TAFA4: variants seen among roughly 807,000 people sequenced by gnomAD.
TAFA4 encodes the protein TAFA chemokine like family member 4, also known as chemokine-like protein TAFA-4.
In TAFA4, 20 loss-of-function variants were observed where a neutral mutation model predicts 21.1. That is an observed-to-expected ratio of 0.95 (90% CI 0.67 to 1.38). TAFA4 has a LOEUF of 1.38. Among genes scored for constraint, TAFA4 ranks in the 40% most tolerant of loss-of-function variants. The pLI is 0.00. For missense variants in TAFA4, 211 were observed against 180.9 expected, an observed-to-expected ratio of 1.17 and a Z score of -0.95; for synonymous variants, 71 against 67.4, an observed-to-expected ratio of 1.05 and a Z score of -0.26.
chr3:68,735,343 A>C (rs1292215168), intron 5 of TAFA4, among the ~76,000 whole-genome samples: 1 of 152,052 alleles, frequency 6.6e-6, no homozygotes, highest in Non-Finnish European at 1.5e-5. Flanking sequence ...CAGGGAGGGA[A>C]CCTGGGCAGG....
intron 1 of TAFA4, among the ~76,000 whole-genome samples, chr3:68,913,009 G>A (rs1026567672): frequency 6.6e-6 from 1 of 152,118 alleles, no homozygotes; most frequent in Non-Finnish European, 1.5e-5. Context: ...TTCCCCAACT[G>A]GGTTATACTA....
intron 3 of TAFA4, among the ~76,000 whole-genome samples, chr3:68,799,547 A>C (rs1453693864): frequency 1.3e-5 from 2 of 152,164 alleles, no homozygotes; most frequent in African/African-American, 4.8e-5. Flanking sequence ...TTGTGATTAA[A>C]TCAAGGAGCC....
intron 1 of TAFA4, among the ~76,000 whole-genome samples, chr3:68,921,954 G>A (rs1259086109): frequency 2.0e-5 from 3 of 152,102 alleles, no homozygotes; most frequent in East Asian, 1.9e-4. Flanking sequence ...TAAAAGAAAC[G>A]TCAAGACATT....
chr3:68,802,845 C>T lies in TAFA4; in HGVS notation c.131-49827G>A, dbSNP rs147285354. Reference sequence around the variant, plus strand: ...TAGCAACCCTGTTTTTTAAAGGTTACGTGGTTAGGAAGTTGGCCTTTCAAT... The same window carrying T: ...TAGCAACCCTGTTTTTTAAAGGTTATGTGGTTAGGAAGTTGGCCTTTCAAT... On this transcript the variant is annotated intron_variant, in intron 3 of 5. Coordinates refer to ENST00000295569, the MANE Select transcript of TAFA4 (RefSeq NM_182522.5). Among the ~76,000 whole-genome samples the T allele has an allele frequency of 1.0e-3, 159 of 152,282 alleles. 1 individual carries two copies. The highest frequency in any genetic ancestry group is 3.6e-3 in the African/African-American group (148 of 41,570).
At chr3:68,854,476 G>A (rs1343913436) in intron 3 of TAFA4, among the ~76,000 whole-genome samples, 1 of 152,056 alleles carries the variant, frequency 6.6e-6, no homozygotes, top group Non-Finnish European at 1.5e-5. Context: ...TTTCACTAAT[G>A]GTCAAAAGGC....
intron 3 of TAFA4, among the ~76,000 whole-genome samples, chr3:68,837,781 A>G (rs1704556963): frequency 6.6e-6 from 1 of 152,222 alleles, no homozygotes. Flanking sequence ...TTTTGGATAT[A>G]TAAAATATCA....
At chr3:68,777,097 T>C (rs1346450208) in intron 3 of TAFA4, among the ~76,000 whole-genome samples, 1 of 151,906 alleles carries the variant, frequency 6.6e-6, no homozygotes, top group Non-Finnish European at 1.5e-5. Flanking sequence ...CATTTCAATA[T>C]ATATATAACG....
intron 1 of TAFA4, among the ~76,000 whole-genome samples, chr3:68,904,173 C>T (rs894801227): frequency 1.8e-4 from 28 of 152,158 alleles, no homozygotes; most frequent in African/African-American, 6.8e-4. Flanking sequence ...GTAGAAATGG[C>T]CTCATTATCC....
chr3:68,817,825 G>C (rs1704022984), intron 3 of TAFA4, among the ~76,000 whole-genome samples: 1 of 152,066 alleles, frequency 6.6e-6, no homozygotes, highest in Non-Finnish European at 1.5e-5. Context: ...ATACTATAAA[G>C]ATATGTGCTG....
intron 3 of TAFA4, among the ~76,000 whole-genome samples, chr3:68,844,754 T>A (rs1291681722): frequency 1.3e-5 from 2 of 152,226 alleles, no homozygotes; most frequent in Admixed American, 1.3e-4. Flanking sequence ...CTTGTTTATT[T>A]CTGCCTTAAT....
intron 3 of TAFA4, among the ~76,000 whole-genome samples, chr3:68,792,691 G>A (rs1467977303): frequency 6.6e-6 from 1 of 152,006 alleles, no homozygotes; most frequent in African/African-American, 2.4e-5. Flanking sequence ...TTCCCAAATT[G>A]GTCTGCGGTT....
chr3:68,850,623 T>G (rs920654924), intron 3 of TAFA4, among the ~76,000 whole-genome samples: 1 of 152,228 alleles, frequency 6.6e-6, no homozygotes, highest in African/African-American at 2.4e-5. Context: ...AGTTTTTGAT[T>G]TGCACTTCTC....
rs571653649 is a variant in TAFA4, at chr3:68,840,432, G to A, written c.130+40298C>T. Among the ~76,000 whole-genome samples the A allele has an allele frequency of 5.9e-5, 9 of 152,190 alleles. No homozygotes were observed. The South Asian group carries it at 1.2e-3, about 21-fold the overall frequency. The stretch of plus-strand genomic sequence containing the variant: ...ACATTTCACCATGTTGCCCAGGCTA[G>A]TCTCGAACTTCTGAGCTCAAGCAAT... On this transcript the variant is annotated intron_variant, in intron 3 of 5. Transcript: ENST00000295569.
chr3:68,788,681 A>G (rs1237297923), intron 3 of TAFA4, among the ~76,000 whole-genome samples: 3 of 152,164 alleles, frequency 2.0e-5, no homozygotes, highest in African/African-American at 7.2e-5. Flanking sequence ...GCATCATCAT[A>G]GATCACTGCA....
chr3:68,866,372 C>T (rs2089418733), intron 3 of TAFA4, among the ~76,000 whole-genome samples: 1 of 151,728 alleles, frequency 6.6e-6, no homozygotes, highest in Non-Finnish European at 1.5e-5. Context: ...CCATCTAGTG[C>T]CAAAAAGGAA....
chr3:68,916,443 G>A (rs1407358672), intron 1 of TAFA4, among the ~76,000 whole-genome samples: 1 of 152,036 alleles, frequency 6.6e-6, no homozygotes, highest in Non-Finnish European at 1.5e-5. Flanking sequence ...TCCGTTGTGT[G>A]GTTTCCTTTC....
chr3:68,753,695 G>A (rs1265679744), intron 3 of TAFA4, among the ~76,000 whole-genome samples: 6 of 152,108 alleles, frequency 3.9e-5, no homozygotes, highest in Non-Finnish European at 7.4e-5. Flanking sequence ...GCCATTCAGG[G>A]CTCAAATGAG....
chr3:68,876,836 G>A (rs2106945041), intron 3 of TAFA4, among the ~76,000 whole-genome samples: 1 of 152,180 alleles, frequency 6.6e-6, no homozygotes, highest in African/African-American at 2.4e-5. Flanking sequence ...TCTAAATAAG[G>A]ATAACTAGCA....
chr3:68,871,083 T>A (rs1235372929), intron 3 of TAFA4, among the ~76,000 whole-genome samples: 1 of 152,042 alleles, frequency 6.6e-6, no homozygotes, highest in South Asian at 2.1e-4. Flanking sequence ...TGTGGAGAAA[T>A]GGGAATGCTT....
Sources: gnomAD v4.1 joint callset for allele counts (sites outside exome capture counted in the v4.1 genomes callset) on GRCh38, gnomAD v4.1.1 for gene constraint, MANE v1.5 for transcripts, NCBI Gene and HGNC (gene_info 2026-07-23, HGNC 2026-07-21) for gene names.